Variants in KIR3DL2 observed in about 807,000 individuals in gnomAD.
KIR3DL2 encodes the protein killer cell immunoglobulin like receptor, three Ig domains and long cytoplasmic tail 2, also known as killer cell immunoglobulin-like receptor 3DL2.
In KIR3DL2, 42 loss-of-function variants were observed where a neutral mutation model predicts 41.6. That is an observed-to-expected ratio of 1.01 (90% confidence interval 0.79 to 1.31). The LOEUF is 1.31. KIR3DL2 is among the 50% of genes most tolerant of loss of function. The probability of loss-of-function intolerance (pLI) is 0.00; values close to 1 mark genes in which losing one functional copy is unlikely to be tolerated. For synonymous variants in KIR3DL2, 230 were observed against 221.3 expected (o/e 1.04, Z -0.35); for missense variants, 728 against 576.8 (o/e 1.26, Z -2.68).
intron 5 of KIR3DL2, 122 bp downstream of exon 5, chr19:54,856,034 G>A (rs991476279): frequency 2.5e-6 from 3 of 1,192,252 alleles, no homozygotes; most frequent in African/African-American, 2.0e-5. Context: ...TGGGTGTGAG[G>A]GGGGGGTCAG....
chr19:54,850,760 AGTGGAGATATGGGCCTGCAG>A (rs2145529897), intron 1 of KIR3DL2, among the ~76,000 whole-genome samples: 1 of 74,472 alleles, frequency 1.3e-5, no homozygotes, highest in African/African-American at 6.8e-5. Flanking sequence ...ATGGGCCTGG[AGTGGAGATATGGGCCTGCAG>A]GTGGAGATCT....
intron 6 of KIR3DL2, among the ~76,000 whole-genome samples, chr19:54,861,668 T>G (rs1159872598): frequency 7.9e-5 from 12 of 151,074 alleles, no homozygotes; most frequent in Non-Finnish European, 1.8e-4. Flanking sequence ...AAATAAAAAA[T>G]ACATAAATAT....
intron 2 of KIR3DL2, among the ~76,000 whole-genome samples, 154 bp from the exon 3 acceptor site, chr19:54,851,844 G>A (rs1183640254): frequency 2.0e-5 from 3 of 151,758 alleles, no homozygotes; most frequent in Admixed American, 6.6e-5. Flanking sequence ...GTAGGGAGAC[G>A]CCATGTCTAT....
chr19:54,858,700 C>G (rs1290508653), intron 5 of KIR3DL2, among the ~76,000 whole-genome samples: 1 of 151,358 alleles, frequency 6.6e-6, no homozygotes, highest in African/African-American at 2.4e-5. Context: ...TACACTCCAG[C>G]CTGCATGACA....
At chr19:54,862,401 T>G (rs371287072) in intron 6 of KIR3DL2, among the ~76,000 whole-genome samples, 14 of 152,242 alleles carry the variant, frequency 9.2e-5, no homozygotes, top group East Asian at 3.9e-4. Flanking sequence ...GTACTGCACC[T>G]GGGCCTATGC....
rs775177737 is a variant in KIR3DL2 at position 54,852,184 on chromosome 19, C to T, written c.257C>T (p.Thr86Ile). The change falls in exon 3 of 9, where the codon ACC becomes ATC. Residue 86 changes from threonine (T) to isoleucine (I), a missense_variant. Coordinates refer to ENST00000326321, the MANE Select transcript of KIR3DL2 (RefSeq NM_006737.4). ...GAGAGCTTCATCATGGGCCCTGTGA[C>T]CCCAGCACATGCAGGGACCTACAGA... is the stretch of plus-strand genomic sequence containing the variant. ...FQESFIMGPVTPAHAGTYRCR... is the reference protein window; with the variant it reads ...FQESFIMGPVIPAHAGTYRCR... 1.9e-6 allele frequency: 3 copies of T among 1,612,744 alleles called. No individual in the cohort carries two copies. Among genetic ancestry groups the T allele is most frequent in the Middle Eastern group, 3.3e-4 (2 of 6,048 alleles).
intron 7 of KIR3DL2, 77 bp from the exon 8 acceptor site, chr19:54,866,293 G>A: frequency 6.8e-7 from 1 of 1,481,140 alleles, no homozygotes; most frequent in Non-Finnish European, 9.4e-7. Context: ...GCCTCCCCCT[G>A]TGGGTTGGTG....
At chr19:54,860,307 A>G (rs1181524587) in intron 6 of KIR3DL2, among the ~76,000 whole-genome samples, 1 of 152,122 alleles carries the variant, frequency 6.6e-6, no homozygotes, top group African/African-American at 2.4e-5. Flanking sequence ...TGTAGGCACA[A>G]GGGGACCAAT....
chr19:54,866,249 G>C, intron 7 of KIR3DL2, 121 bp from the exon 8 acceptor site: 1 of 950,278 alleles, frequency 1.1e-6, no homozygotes, highest in Non-Finnish European at 1.7e-6. Flanking sequence ...TCTGAGTCTG[G>C]ATGTTGGCAG....
chr19:54,855,611 C>T lies in KIR3DL2; in HGVS notation c.656-8C>T, dbSNP rs2064683745. ...CCTCCCTGAGGAAACTGCCTCTTCT[C>T]CTTCCAGGTCTATATGAGAAACCTT... On this transcript the variant is annotated splice_region_variant and splice_polypyrimidine_tract_variant and intron_variant, in intron 4 of 8. Coordinates refer to ENST00000326321, the MANE Select transcript of KIR3DL2 (RefSeq NM_006737.4). The T allele has an allele frequency of 3.1e-6, 5 of 1,609,166 alleles. No individual in the cohort carries two copies. The African/African-American group carries it at 5.4e-5, about 17-fold the overall frequency.
chr19:54,856,449 G>A (rs1333211908), intron 5 of KIR3DL2, among the ~76,000 whole-genome samples: 2 of 151,892 alleles, frequency 1.3e-5, no homozygotes, highest in South Asian at 2.1e-4. Context: ...GAGAGGCCAA[G>A]AAAGGTGGAT....
At chr19:54,861,173 A>T (rs1446237215) in intron 6 of KIR3DL2, among the ~76,000 whole-genome samples, 1 of 149,898 alleles carries the variant, frequency 6.7e-6, no homozygotes, top group African/African-American at 2.5e-5. Context: ...TGGATATAAG[A>T]TATGTTTGTG....
At position 54,866,359 on chromosome 19, in the gene KIR3DL2, G is replaced by A. The variant is rs182437390; in HGVS notation, c.1106-11G>A. 1.8e-3 allele frequency: 2,900 copies of A among 1,613,700 alleles called. 9 individuals carry two copies. The highest frequency in any genetic ancestry group is 2.3e-3 in the Non-Finnish European group (2,716 of 1,179,878). ...CCTCCAAGCGGTTTTGATGACTTCC[G>A]TCTCCTACAGATGCTGCTGTAATGG... On this transcript the variant is annotated splice_polypyrimidine_tract_variant and intron_variant, in intron 7 of 8. Transcript: ENST00000326321.
In KIR3DL2 at chr19:54,866,708, T is replaced by A; in HGVS notation, c.1345T>A (p.Ser449Thr). ...KVVSCPRAPQ[S>T]GLEGVF ...TGTCTCCTGCCCACGAGCACCACAGTCAGGTCTTGAGGGGGTTTTCTAGGG... is the reference window on the plus strand; with the variant it reads ...TGTCTCCTGCCCACGAGCACCACAGACAGGTCTTGAGGGGGTTTTCTAGGG... The change falls in exon 9 of 9, where the codon TCA (serine) becomes ACA (threonine). Residue 449 changes from serine to threonine, a missense_variant. Transcript: ENST00000326321. 6.2e-7 allele frequency: 1 copy of A among 1,613,910 alleles called. No homozygotes were observed. The highest frequency in any genetic ancestry group is 8.5e-7 in the Non-Finnish European group (1 of 1,179,954).
At position 54,852,060 on chromosome 19, in the gene KIR3DL2, G is replaced by A. The variant is rs776749878; in HGVS notation, c.133G>A (p.Val45Met). 37 of 1,612,272 alleles carry A rather than the reference G, an allele frequency of 2.3e-5. No individual in the cohort carries two copies. In the Middle Eastern group the frequency reaches 4.9e-4, roughly 22 times the overall value. The change falls in exon 3 of 9, where the codon GTG (valine) becomes ATG (methionine). Residue 45 changes from valine (V) to methionine (M), a missense_variant. Transcript: ENST00000326321. ...CACTGTGGTGCCTCGAGGAGGACAC[G>A]TGGCTCTTCAGTGTCACTATCGTCG... The part of the protein sequence containing the change: ...PSTVVPRGGH[V>M]ALQCHYRRGF...
intron 2 of KIR3DL2, 152 bp from the exon 3 acceptor site, chr19:54,851,846 C>T: frequency 1.3e-6 from 1 of 797,790 alleles, no homozygotes; most frequent in Non-Finnish European, 2.0e-6. Flanking sequence ...AGGGAGACGC[C>T]ATGTCTATGT....
At chr19:54,865,575 G>A (rs886705456) in intron 6 of KIR3DL2, among the ~76,000 whole-genome samples, 6 of 152,058 alleles carry the variant, frequency 3.9e-5, no homozygotes, top group African/African-American at 1.4e-4. Context: ...ATTTCAGTGT[G>A]AGGTTTCAAA....
chr19:54,851,189 T>C, intron 1 of KIR3DL2, 31 bp from the exon 2 acceptor site: 1 of 1,608,696 alleles, frequency 6.2e-7, no homozygotes, highest in Non-Finnish European at 8.5e-7. Flanking sequence ...TTGCCTGCAG[T>C]TGGATCGTCT....
intron 6 of KIR3DL2, among the ~76,000 whole-genome samples, chr19:54,865,539 T>C (rs1196353493): frequency 1.3e-5 from 2 of 152,086 alleles, no homozygotes; most frequent in Non-Finnish European, 1.5e-5. Flanking sequence ...AGGCCCAAAC[T>C]TCCACACTGG....
Sources: gnomAD v4.1 joint callset for allele counts (sites outside exome capture counted in the v4.1 genomes callset) on GRCh38, gnomAD v4.1.1 for gene constraint, MANE v1.5 for transcripts, NCBI Gene and HGNC (gene_info 2026-07-23, HGNC 2026-07-21) for gene names.